The following CLASP1 variants were observed in gnomAD, a reference collection of about 807,000 sequenced individuals.
The protein encoded by CLASP1 is CLIP-associating protein 1.
Under a neutral mutation model 192.3 loss-of-function variants are expected in CLASP1, and 38 were observed. That is an observed-to-expected ratio of 0.20 (90% CI 0.15 to 0.26). The LOEUF (loss-of-function observed/expected upper bound fraction) is 0.26. Ranked by LOEUF, CLASP1 falls within the 10% of genes least tolerant of loss-of-function variation. The pLI is 1.00. For synonymous variants in CLASP1, 691 were observed against 712.8 expected (o/e 0.97, Z 0.49); for missense variants, 1,433 against 1,932.5 (o/e 0.74, Z 4.85).
chr2:121,401,887 C>T lies in CLASP1; in HGVS notation c.2734-17G>A, dbSNP rs755635986. 1 of 710,604 alleles carries T rather than the reference C, an allele frequency of 1.4e-6. No individual in the cohort carries two copies. The highest frequency in any genetic ancestry group is 2.6e-6 in the Non-Finnish European group (1 of 384,196). 44.0% of individuals were successfully genotyped at this position (710,604 alleles called of 1,614,324 possible). A position where few individuals can be genotyped will look rare whatever the true frequency, so the allele number is the denominator to read the frequency against. ...ACTTACTCTCTGTTGTGAATTCCAC[C>T]GCAAACGAGGCCATGCAACAAAACA... On this transcript the variant is annotated splice_polypyrimidine_tract_variant and intron_variant, in intron 26 of 39. Coordinates refer to ENST00000263710, the Ensembl canonical transcript of CLASP1.
At chr2:121,376,028 A>G (rs975221086) in intron 34 of CLASP1, among the ~76,000 whole-genome samples, 26 of 152,230 alleles carry the variant, frequency 1.7e-4, no homozygotes, top group Non-Finnish European at 3.2e-4. Flanking sequence ...AAAGACAAAA[A>G]ATAACAAAGG....
exon 34 of CLASP1, chr2:121,377,624 G>T: frequency 6.3e-7 from 1 of 1,589,180 alleles, no homozygotes. Context: ...TCAGAGTTCA[G>T]GTTCTCTGTA....
At chr2:121,368,706 T>C (rs1255612730) in intron 34 of CLASP1, among the ~76,000 whole-genome samples, 1 of 152,122 alleles carries the variant, frequency 6.6e-6, no homozygotes, top group Admixed American at 6.6e-5. Flanking sequence ...GTGGAAACAT[T>C]CCAGGCAGCC....
intron 23 of CLASP1, 126 bp downstream of exon 23, chr2:121,418,496 G>C: frequency 1.4e-6 from 1 of 696,010 alleles, no homozygotes; most frequent in Non-Finnish European, 2.5e-6. Flanking sequence ...CTAAGGAAGA[G>C]GAAAGAAAGA....
chr2:121,364,719 A>C (rs72967310), intron 36 of CLASP1: 9,987 of 233,164 alleles, frequency 0.043, 284 homozygotes, highest in East Asian at 0.13. Context: ...TTAAAATGAA[A>C]CTTTTTCTCA....
rs938785781 is a variant in CLASP1, at chr2:121,607,051, G to A, written c.-285-871C>T. Among the ~76,000 whole-genome samples the A allele has an allele frequency of 5.3e-5, 8 of 151,606 alleles. 1 individual carries two copies. The South Asian group carries it at 8.3e-4, about 16-fold the overall frequency. ...AGCCTGGGCGACAGAGTGCAACTCCGTCAAAAAAGGCCGGGTACGGTGGCT... is the reference window on the plus strand; with the variant it reads ...AGCCTGGGCGACAGAGTGCAACTCCATCAAAAAAGGCCGGGTACGGTGGCT... On this transcript the variant is annotated intron_variant, in intron 1 of 39. Transcript: ENST00000263710.
At chr2:121,531,141 TTTGCGGTGATTA>T in intron 2 of CLASP1, 1 of 612,546 alleles carries the variant, frequency 1.6e-6, no homozygotes, top group East Asian at 2.8e-5. Flanking sequence ...TCTTTCAGTT[TTTGCGGTGATTA>T]AACGGGAAGG....
At chr2:121,442,056 G>C (rs575482487) in intron 19 of CLASP1, among the ~76,000 whole-genome samples, 1 of 152,082 alleles carries the variant, frequency 6.6e-6, no homozygotes, top group Non-Finnish European at 1.5e-5. Context: ...AACAAACAAT[G>C]GTTGTCAGCC....
intron 2 of CLASP1, among the ~76,000 whole-genome samples, chr2:121,543,308 C>G (rs989397829): frequency 7.2e-5 from 11 of 152,018 alleles, no homozygotes; most frequent in South Asian, 4.1e-4. Context: ...GATTTTAAAC[C>G]CTGGCAACTT....
chr2:121,530,338 A>T lies in CLASP1; in HGVS notation c.196-13T>A. On this transcript the variant is annotated splice_polypyrimidine_tract_variant and intron_variant, in intron 2 of 39. Coordinates refer to ENST00000263710, the Ensembl canonical transcript of CLASP1. ...CCAGCAGAACCACCTGCAGCGGGAA[A>T]CACCGGGAGCCTGTTAGCAGCCGGC... 6 of 1,546,466 alleles carry T rather than the reference A, an allele frequency of 3.9e-6. No homozygotes were observed. The highest frequency in any genetic ancestry group is 5.2e-6 in the Non-Finnish European group (6 of 1,143,902).
At chr2:121,432,141 G>A (rs1443080709) in intron 19 of CLASP1, among the ~76,000 whole-genome samples, 1 of 152,124 alleles carries the variant, frequency 6.6e-6, no homozygotes, top group Non-Finnish European at 1.5e-5. Flanking sequence ...ATGAGGCAGA[G>A]TCTCTTTCTG....
At chr2:121,492,375 C>T (rs1311873199) in intron 8 of CLASP1, among the ~76,000 whole-genome samples, 8 of 114,854 alleles carry the variant, frequency 7.0e-5, no homozygotes, top group Non-Finnish European at 8.1e-5. Flanking sequence ...GGCGACAGAG[C>T]GAGACTCCCT....
intron 25 of CLASP1, among the ~76,000 whole-genome samples, chr2:121,405,795 A>G (rs528598246): frequency 6.6e-6 from 1 of 152,344 alleles, no homozygotes; most frequent in South Asian, 2.1e-4. Context: ...CCAAAGTGTC[A>G]CAGGATGCCT....
intron 9 of CLASP1, among the ~76,000 whole-genome samples, chr2:121,465,404 T>G (rs1399745579): frequency 6.6e-6 from 1 of 152,124 alleles, no homozygotes; most frequent in Non-Finnish European, 1.5e-5. Flanking sequence ...AAATCATGAG[T>G]GAACTCCCAT....
At chr2:121,590,305 T>A (rs2062234164) in intron 2 of CLASP1, among the ~76,000 whole-genome samples, 1 of 152,184 alleles carries the variant, frequency 6.6e-6, no homozygotes, top group Non-Finnish European at 1.5e-5. Context: ...GAAACACGTA[T>A]GTACAGGGAT....
chr2:121,474,593 G>A (rs6710460), intron 8 of CLASP1, among the ~76,000 whole-genome samples: 19,528 of 152,044 alleles, frequency 0.13, 1,723 homozygotes, highest in African/African-American at 0.24. Context: ...AAAATTAGCC[G>A]GGCATGGTGG....
intron 6 of CLASP1, among the ~76,000 whole-genome samples, chr2:121,519,881 A>G (rs1017999538): frequency 2.0e-5 from 3 of 152,188 alleles, no homozygotes; most frequent in African/African-American, 4.8e-5. Flanking sequence ...ACTGCAGGAC[A>G]ATGCAGCTAT....
chr2:121,444,122 C>T (rs1024679067), intron 19 of CLASP1, among the ~76,000 whole-genome samples: 1 of 152,128 alleles, frequency 6.6e-6, no homozygotes, highest in Non-Finnish European at 1.5e-5. Flanking sequence ...AATGATATTG[C>T]CTTATATGCA....
At chr2:121,534,897 A>C (rs1486522462) in intron 2 of CLASP1, among the ~76,000 whole-genome samples, 2 of 152,200 alleles carry the variant, frequency 1.3e-5, no homozygotes, top group African/African-American at 4.8e-5. Context: ...CACAGGACAA[A>C]GTGAAAACTA....
Sources: gnomAD v4.1 joint callset for allele counts (sites outside exome capture counted in the v4.1 genomes callset) on GRCh38, gnomAD v4.1.1 for gene constraint, MANE v1.5 for transcripts, NCBI Gene and HGNC (gene_info 2026-07-23, HGNC 2026-07-21) for gene names.